STK3: variants seen among roughly 807,000 people sequenced by gnomAD.
The protein encoded by STK3 is serine/threonine-protein kinase 3.
STK3 carries 41 observed loss-of-function variants against 58.0 expected under a neutral mutation model. That is an observed-to-expected ratio of 0.71 (90% CI 0.55 to 0.92). STK3 has a LOEUF of 0.92. STK3 is among the 40% of genes least tolerant of loss of function. STK3 has a pLI of 0.00. For missense variants in STK3, 479 were observed against 602.7 expected, an observed-to-expected ratio of 0.79 and a Z score of 2.15; for synonymous variants, 170 against 191.0, an observed-to-expected ratio of 0.89 and a Z score of 0.91.
intron 3 of STK3, among the ~76,000 whole-genome samples, chr8:98,831,280 A>G (rs1243911266): frequency 1.3e-5 from 2 of 152,138 alleles, no homozygotes; most frequent in Non-Finnish European, 2.9e-5. Context: ...TGAAACTACA[A>G]CTTTGTATTT....
chr8:98,731,100 A>C (rs1174686963), intron 4 of STK3, among the ~76,000 whole-genome samples: 1 of 152,164 alleles, frequency 6.6e-6, no homozygotes, highest in Non-Finnish European at 1.5e-5. Context: ...TTAAATTCCT[A>C]AGAGTATGAT....
intron 4 of STK3, among the ~76,000 whole-genome samples, chr8:98,739,431 G>A (rs544482800): frequency 1.5e-3 from 230 of 151,128 alleles, no homozygotes; most frequent in African/African-American, 4.8e-3. Flanking sequence ...AGCATTCGCG[G>A]TTCATGAAAA....
At chr8:98,695,857 G>A (rs1396462167) in intron 6 of STK3, among the ~76,000 whole-genome samples, 1 of 152,076 alleles carries the variant, frequency 6.6e-6, no homozygotes, top group African/African-American at 2.4e-5. Flanking sequence ...GCTCTTTTTG[G>A]GTTCCATATG....
chr8:98,733,216 GA>G (rs1360409463), intron 4 of STK3, among the ~76,000 whole-genome samples: 1 of 152,124 alleles, frequency 6.6e-6, no homozygotes, highest in Non-Finnish European at 1.5e-5. Flanking sequence ...AACGAAAAAA[GA>G]AAAACACCTG....
At chr8:98,387,728 C>T (rs914139976) in intron 1 of STK3, among the ~76,000 whole-genome samples, 6 of 152,026 alleles carry the variant, frequency 3.9e-5, no homozygotes, top group Non-Finnish European at 5.9e-5. Flanking sequence ...GCAACAAGAG[C>T]GAAACTCCAT....
intron 8 of STK3, among the ~76,000 whole-genome samples, chr8:98,561,578 A>C (rs1398014098): frequency 2.0e-5 from 3 of 152,150 alleles, no homozygotes; most frequent in Non-Finnish European, 4.4e-5. Context: ...CTGAGGCAGG[A>C]GGATTGTAGT....
rs531782849 is a variant in STK3 at position 98,561,301 on chromosome 8, C to T, written c.949-13140G>A. ...GTGCTAGAACAACCGGATATCCATACGGAAAAAAAAAAAAAGGACCCAGAT... is the reference window on the plus strand; with the variant it reads ...GTGCTAGAACAACCGGATATCCATATGGAAAAAAAAAAAAAGGACCCAGAT... On this transcript the variant is annotated intron_variant, in intron 8 of 10. Coordinates refer to ENST00000419617, the MANE Select transcript of STK3 (RefSeq NM_006281.4). Among the ~76,000 whole-genome samples the T allele has an allele frequency of 5.3e-4, 76 of 144,108 alleles. No individual in the cohort carries two copies. The South Asian group carries it at 0.011, about 21-fold the overall frequency. 94.5% of individuals were successfully genotyped at this position (144,108 alleles called of 152,430 possible).
At chr8:98,461,402 C>T (rs1257797881) in intron 10 of STK3, among the ~76,000 whole-genome samples, 2 of 152,214 alleles carry the variant, frequency 1.3e-5, no homozygotes, top group African/African-American at 4.8e-5. Context: ...CTCTTGAAGA[C>T]AGCAGATATG....
chr8:98,389,252 T>C (rs1817823202), upstream of STK3, among the ~76,000 whole-genome samples: 1 of 152,152 alleles, frequency 6.6e-6, no homozygotes, highest in African/African-American at 2.4e-5. Flanking sequence ...AGCAATTTTT[T>C]CCCTTTTCTT....
chr8:98,915,470 A>ATATAT (rs1839314010), intron 1 of STK3, among the ~76,000 whole-genome samples: 1 of 136,138 alleles, frequency 7.3e-6, no homozygotes, highest in African/African-American at 2.9e-5. Flanking sequence ...ATATATATAT[A>ATATAT]GTTCTGTCCT....
At chr8:98,362,160 C>T in the STK3 span, among the ~76,000 whole-genome samples, 2 of 152,094 alleles carry the variant, frequency 1.3e-5, no homozygotes, top group Admixed American at 6.5e-5. Context: ...GGTGGAAGAG[C>T]GGAAGTTAGG....
intron 1 of STK3, among the ~76,000 whole-genome samples, chr8:98,886,970 C>T (rs754900872): frequency 2.2e-4 from 33 of 152,016 alleles, no homozygotes; most frequent in Admixed American, 1.6e-3. Flanking sequence ...TGGTGGTGCG[C>T]GCCTGTAATC....
At chr8:98,830,088 G>A (rs1389178569), upstream of STK3, among the ~76,000 whole-genome samples, 1 of 152,118 alleles carries the variant, frequency 6.6e-6, no homozygotes, top group Non-Finnish European at 1.5e-5. Context: ...AATTAGCTGG[G>A]TGTGGTGGTG....
At chr8:98,875,918 G>A (rs1837545897) in intron 3 of STK3, among the ~76,000 whole-genome samples, 1 of 152,194 alleles carries the variant, frequency 6.6e-6, no homozygotes, top group Admixed American at 6.5e-5. Flanking sequence ...TGGTAGAAGA[G>A]CCTTTATTTC....
chr8:98,484,720 T>C (rs1554600520), intron 10 of STK3, among the ~76,000 whole-genome samples: 1 of 152,044 alleles, frequency 6.6e-6, no homozygotes, highest in South Asian at 2.1e-4. Flanking sequence ...GTGCAGTTAA[T>C]AAGGATTAGA....
intron 1 of STK3, among the ~76,000 whole-genome samples, chr8:98,789,271 G>T (rs1036449444): frequency 6.6e-5 from 10 of 152,112 alleles, no homozygotes; most frequent in Non-Finnish European, 1.5e-4. Flanking sequence ...AGTGCTTAGA[G>T]GAAAGTTTAT....
chr8:98,785,590 G>A (rs147425554), intron 1 of STK3, among the ~76,000 whole-genome samples: 1 of 152,092 alleles, frequency 6.6e-6, no homozygotes, highest in Non-Finnish European at 1.5e-5. Flanking sequence ...TCAGACTACT[G>A]TACACTCCAC....
chr8:98,773,969 T>C (rs767393332), intron 2 of STK3, among the ~76,000 whole-genome samples: 1 of 152,022 alleles, frequency 6.6e-6, no homozygotes, highest in Non-Finnish European at 1.5e-5. Context: ...GCTAATTTAG[T>C]ATTTTTAGTA....
chr8:98,357,081 C>T, the STK3 span, among the ~76,000 whole-genome samples: 1 of 152,182 alleles, frequency 6.6e-6, no homozygotes, highest in Non-Finnish European at 1.5e-5. Flanking sequence ...AGGAAAGAGT[C>T]TTTGTGCTTT....
Sources: gnomAD v4.1 joint callset for allele counts (sites outside exome capture counted in the v4.1 genomes callset) on GRCh38, gnomAD v4.1.1 for gene constraint, MANE v1.5 for transcripts, NCBI Gene and HGNC (gene_info 2026-07-23, HGNC 2026-07-21) for gene names.